USP45: variants seen among roughly 807,000 people sequenced by gnomAD.
USP45 encodes the protein ubiquitin specific peptidase 45, also known as ubiquitin carboxyl-terminal hydrolase 45.
A neutral mutation model predicts 95.8 loss-of-function variants in USP45; 89 were observed. That is an observed-to-expected ratio of 0.93 (90% CI 0.78 to 1.11). The LOEUF (loss-of-function observed/expected upper bound fraction) is 1.11. USP45 is among the 50% of genes least tolerant of loss of function. The probability of loss-of-function intolerance (pLI) is 0.00; values close to 1 mark genes in which losing one functional copy is unlikely to be tolerated. For synonymous variants in USP45, 281 were observed against 316.2 expected (o/e 0.89, Z 1.18); for missense variants, 898 against 942.5 (o/e 0.95, Z 0.62).
At position 99,432,990 on chromosome 6, in the gene USP45, T is replaced by C. The variant is rs1186594976; in HGVS notation, c.*2726A>G. 1 of 152,346 alleles carries C rather than the reference T, an allele frequency of 6.6e-6. No homozygotes were observed. Among genetic ancestry groups the C allele is most frequent in the Non-Finnish European group, 1.5e-5 (1 of 68,042 alleles). 9.4% of individuals were successfully genotyped at this position (152,346 alleles called of 1,614,324 possible). A position where few individuals can be genotyped will look rare whatever the true frequency, so the allele number is the denominator to read the frequency against. ...AACTATTCTTTGAATTGATACCAAC[T>C]GTCTTCTTTTTATTTATTTTTGAGA... On this transcript the variant is annotated 3_prime_UTR_variant, in exon 18 of 18. Transcript: ENST00000500704.
At chr6:99,512,991 A>G (rs765731636) in intron 1 of USP45, among the ~76,000 whole-genome samples, 8 of 152,202 alleles carry the variant, frequency 5.3e-5, no homozygotes, top group Admixed American at 3.9e-4. Context: ...CATGACCCTT[A>G]CAGCAGGGCA....
At chr6:99,494,591 T>C (rs868305996) in intron 5 of USP45, among the ~76,000 whole-genome samples, 17 of 152,154 alleles carry the variant, frequency 1.1e-4, no homozygotes, top group African/African-American at 4.1e-4. Flanking sequence ...CCTATAACTA[T>C]CTTTTTAAAA....
intron 13 of USP45, among the ~76,000 whole-genome samples, chr6:99,455,076 C>T (rs1317425691): frequency 6.9e-5 from 9 of 130,616 alleles, no homozygotes; most frequent in South Asian, 5.1e-4. Context: ...GGTGACAGAG[C>T]GACACTCCAT....
intron 15 of USP45, among the ~76,000 whole-genome samples, chr6:99,440,293 A>G (rs1466877264): frequency 2.0e-5 from 3 of 152,220 alleles, no homozygotes; most frequent in South Asian, 2.1e-4. Context: ...AAATTCAATT[A>G]TATTCATTCA....
intron 8 of USP45, among the ~76,000 whole-genome samples, chr6:99,481,348 G>A (rs1031976896): frequency 2.6e-5 from 4 of 152,178 alleles, no homozygotes; most frequent in Non-Finnish European, 5.9e-5. Flanking sequence ...TAAAGATAGA[G>A]AGGAGTTTGA....
intron 3 of USP45, among the ~76,000 whole-genome samples, chr6:99,508,366 G>C (rs1011267155): frequency 6.6e-6 from 1 of 152,296 alleles, no homozygotes; most frequent in African/African-American, 2.4e-5. Context: ...CCAGATATGG[G>C]AACTACTGCA....
chr6:99,468,263 C>T, intron 10 of USP45: 1 of 501,000 alleles, frequency 2.0e-6, no homozygotes, highest in South Asian at 1.6e-5. Context: ...CTACTTTCAA[C>T]AACCTTTCAA....
chr6:99,437,337 C>A lies in USP45; in HGVS notation c.2223G>T (p.Ser741=). Residue 741 remains serine, a synonymous_variant, in exon 17 of 18, where the codon TCG becomes TCT. Coordinates refer to ENST00000500704, the MANE Select transcript of USP45 (RefSeq NM_001346022.3). The part of the protein sequence containing the change: ...GLYGIVEHSG[S]MREGHYTAYV... The stretch of plus-strand genomic sequence containing the variant: ...AAGCAGTGTAGTGGCCTTCTCTCAT[C>A]GAGCCACTATGTTCCACTATGCCAT... The A allele has an allele frequency of 6.2e-7, 1 of 1,612,248 alleles. No homozygotes were observed. The highest frequency in any genetic ancestry group is 2.2e-5 in the East Asian group (1 of 44,592).
At chr6:99,502,175 T>C (rs1797520887) in intron 5 of USP45, among the ~76,000 whole-genome samples, 1 of 152,194 alleles carries the variant, frequency 6.6e-6, no homozygotes, top group African/African-American at 2.4e-5. Flanking sequence ...CTCTTGTGTA[T>C]ATTAGTGCAC....
intron 9 of USP45, among the ~76,000 whole-genome samples, chr6:99,469,493 T>A (rs796660982): frequency 0.16 from 22,775 of 144,806 alleles, 2,501 homozygotes; most frequent in Non-Finnish European, 0.23. Flanking sequence ...TATATTTTTT[T>A]TTTTTTTGAG....
chr6:99,493,366 G>C (rs144253571), intron 5 of USP45, among the ~76,000 whole-genome samples: 1 of 152,184 alleles, frequency 6.6e-6, no homozygotes, highest in African/African-American at 2.4e-5. Context: ...TCAGGAAAAC[G>C]TTTAGACACT....
At chr6:99,509,467 T>A (rs1386629633) in intron 2 of USP45, among the ~76,000 whole-genome samples, 1 of 151,988 alleles carries the variant, frequency 6.6e-6, no homozygotes, top group Admixed American at 6.6e-5. Flanking sequence ...AAAAAATATA[T>A]TAAAAATATC....
Position 99,434,085 on chromosome 6 carries a change from T to A in USP45, c.*1631A>T, listed in dbSNP as rs919984578. ...GACTTTGCAGATTAACTTAAAGATA[T>A]ATTTCTTGATTATTTCACTGTTAAA... On this transcript the variant is annotated 3_prime_UTR_variant, in exon 18 of 18. Coordinates refer to ENST00000500704, the MANE Select transcript of USP45 (RefSeq NM_001346022.3). The A allele has an allele frequency of 4.6e-5, 7 of 152,330 alleles. No individual in the cohort carries two copies. Among genetic ancestry groups the A allele is most frequent in the Admixed American group, 4.6e-4 (7 of 15,302 alleles). 9.4% of individuals were successfully genotyped at this position (152,330 alleles called of 1,614,324 possible).
At chr6:99,488,135 A>G (rs749055466) in intron 7 of USP45, 65 bp downstream of exon 7, 128 of 1,104,236 alleles carry the variant, frequency 1.2e-4, no homozygotes, top group Admixed American at 5.4e-4. Flanking sequence ...GAATTAGGAA[A>G]AGAGATTTTG....
chr6:99,501,894 C>T (rs1160704111), intron 5 of USP45: 1 of 1,262,258 alleles, frequency 7.9e-7, no homozygotes, highest in African/African-American at 1.6e-5. Flanking sequence ...ACAAGAGTGT[C>T]TGTTATTCAT....
At chr6:99,447,907 C>G (rs1782900428) in intron 13 of USP45, among the ~76,000 whole-genome samples, 1 of 152,218 alleles carries the variant, frequency 6.6e-6, no homozygotes, top group Non-Finnish European at 1.5e-5. Flanking sequence ...TGTTCTGCAG[C>G]CTCCGCTGCT....
chr6:99,487,809 A>C (rs995575299), intron 7 of USP45, among the ~76,000 whole-genome samples: 3 of 152,090 alleles, frequency 2.0e-5, no homozygotes, highest in Non-Finnish European at 4.4e-5. Flanking sequence ...TCAAAAAAAA[A>C]ACCTTTAGAT....
intron 9 of USP45, among the ~76,000 whole-genome samples, chr6:99,469,103 A>AT (rs1788670035): frequency 6.6e-6 from 1 of 152,212 alleles, no homozygotes; most frequent in South Asian, 2.1e-4. Context: ...ATATACACAT[A>AT]TAACTAAAGT....
chr6:99,490,949 A>G (rs530314097), intron 5 of USP45, among the ~76,000 whole-genome samples: 3 of 152,054 alleles, frequency 2.0e-5, no homozygotes, highest in Non-Finnish European at 4.4e-5. Context: ...ATCCTGTGCT[A>G]CAATAGTTTT....
Sources: allele counts gnomAD v4.1 joint callset (sites outside exome capture counted in the v4.1 genomes callset), GRCh38; gene constraint gnomAD v4.1.1; transcripts MANE v1.5; gene names NCBI Gene and HGNC (gene_info 2026-07-23, HGNC 2026-07-21).